The following PPP2R2B variants were observed in gnomAD, a reference collection of about 807,000 sequenced individuals.
PPP2R2B encodes the protein protein phosphatase 2 regulatory subunit Bbeta.
In PPP2R2B, 5 loss-of-function variants were observed where a neutral mutation model predicts 46.0. The ratio of observed to expected loss-of-function variants is 0.11; its 90% CI spans 0.06 to 0.23. The LOEUF is 0.23. PPP2R2B is among the 10% of genes least tolerant of loss of function. The pLI is 1.00. For missense variants in PPP2R2B, 367 were observed against 575.0 expected, an observed-to-expected ratio of 0.64 and a Z score of 3.70; for synonymous variants, 215 against 206.7, an observed-to-expected ratio of 1.04 and a Z score of -0.34.
At chr5:146,847,872 A>G (rs1337346489) in intron 2 of PPP2R2B, among the ~76,000 whole-genome samples, 1 of 152,190 alleles carries the variant, frequency 6.6e-6, no homozygotes, top group East Asian at 1.9e-4. Flanking sequence ...ACCCAGCCCC[A>G]TAGCAGGGGA....
chr5:146,615,527 A>G (rs1162644820), intron 7 of PPP2R2B, among the ~76,000 whole-genome samples: 1 of 147,556 alleles, frequency 6.8e-6, no homozygotes, highest in Non-Finnish European at 1.5e-5. Flanking sequence ...AAAAAAAAAA[A>G]AAAGAAAAAA....
chr5:146,804,976 C>T (rs1457089129), intron 2 of PPP2R2B, among the ~76,000 whole-genome samples: 1 of 152,134 alleles, frequency 6.6e-6, no homozygotes, highest in East Asian at 1.9e-4. Context: ...AGAGTTGCTT[C>T]AGCCTTCAGA....
intron 2 of PPP2R2B, among the ~76,000 whole-genome samples, chr5:146,853,846 T>C (rs1760491899): frequency 6.6e-6 from 1 of 152,012 alleles, no homozygotes; most frequent in Non-Finnish European, 1.5e-5. Context: ...TACTTTTCAT[T>C]CTTCTTCCCT....
At chr5:146,983,030 T>C in intron 1 of PPP2R2B, among the ~76,000 whole-genome samples, 1 of 152,108 alleles carries the variant, frequency 6.6e-6, no homozygotes, top group Non-Finnish European at 1.5e-5. Flanking sequence ...TAGATTCAAT[T>C]ACATTTTTAT....
chr5:147,021,506 A>G (rs1755266415), intron 1 of PPP2R2B, among the ~76,000 whole-genome samples: 1 of 152,102 alleles, frequency 6.6e-6, no homozygotes, highest in African/African-American at 2.4e-5. Context: ...AGCCTAAAAT[A>G]CTGGGGAGGT....
rs188085855 is a variant in PPP2R2B at position 146,834,012 on chromosome 5, G to A, written c.70+43990C>T. ...CCTAACGTGGCTCTAAAATGTCCTT[G>A]GCAAATGTTCTTACTGCTTCTCCAA... is the stretch of plus-strand genomic sequence containing the variant. On this transcript the variant is annotated intron_variant, in intron 2 of 9. Coordinates refer to ENST00000394411, the MANE Select transcript of PPP2R2B (RefSeq NM_181675.4). 3.3e-3 allele frequency among the ~76,000 whole-genome samples: 506 copies of A among 152,116 alleles called. 3 individuals are homozygous for A. Among genetic ancestry groups the A allele is most frequent in the Middle Eastern group, 6.8e-3 (2 of 292 alleles).
chr5:146,681,276 C>T (rs975698885), intron 5 of PPP2R2B, among the ~76,000 whole-genome samples: 11 of 152,144 alleles, frequency 7.2e-5, no homozygotes, highest in Admixed American at 5.9e-4. Flanking sequence ...TATTTTTGAT[C>T]TTCTATTAGT....
At chr5:147,034,965 G>A (rs1755965156) in intron 1 of PPP2R2B, among the ~76,000 whole-genome samples, 1 of 152,044 alleles carries the variant, frequency 6.6e-6, no homozygotes, top group Admixed American at 6.6e-5. Flanking sequence ...GAAGGAGGGA[G>A]GTGTGGGGTG....
intron 2 of PPP2R2B, among the ~76,000 whole-genome samples, chr5:146,709,365 G>A (rs1159339392): frequency 6.6e-6 from 1 of 152,112 alleles, no homozygotes; most frequent in East Asian, 1.9e-4. Flanking sequence ...AGATACTCTT[G>A]GTTGGCTACT....
chr5:146,972,937 T>A (rs1271795885), intron 1 of PPP2R2B, among the ~76,000 whole-genome samples: 3 of 152,156 alleles, frequency 2.0e-5, no homozygotes, highest in African/African-American at 7.2e-5. Flanking sequence ...AGCTTACCAT[T>A]TCTTATTTTT....
At chr5:146,853,749 G>A (rs28463964) in intron 2 of PPP2R2B, among the ~76,000 whole-genome samples, 1 of 151,812 alleles carries the variant, frequency 6.6e-6, no homozygotes, top group African/African-American at 2.4e-5. Context: ...AAATATCTAC[G>A]ATAGACTTTT....
intron 5 of PPP2R2B, among the ~76,000 whole-genome samples, chr5:146,669,492 A>G (rs1777206402): frequency 6.6e-6 from 1 of 151,864 alleles, no homozygotes; most frequent in Non-Finnish European, 1.5e-5. Flanking sequence ...TATATCCTAT[A>G]TATTTATATG....
chr5:146,873,707 G>A (rs1023543775), intron 2 of PPP2R2B, among the ~76,000 whole-genome samples: 10 of 152,244 alleles, frequency 6.6e-5, no homozygotes, highest in Admixed American at 5.2e-4. Context: ...TGCCTCCTGG[G>A]TTCATGCGAT....
At chr5:146,740,563 TA>T (rs1407235142) in intron 2 of PPP2R2B, among the ~76,000 whole-genome samples, 1 of 137,664 alleles carries the variant, frequency 7.3e-6, no homozygotes, top group Non-Finnish European at 1.5e-5. Context: ...ATTAATATTT[TA>T]AAATGAGATC....
intron 2 of PPP2R2B, among the ~76,000 whole-genome samples, chr5:146,762,401 G>A (rs1754221068): frequency 6.6e-6 from 1 of 152,118 alleles, no homozygotes; most frequent in Non-Finnish European, 1.5e-5. Context: ...GCAGTTATGA[G>A]GATTAAATGA....
At chr5:146,764,444 A>G (rs1754349040) in intron 2 of PPP2R2B, among the ~76,000 whole-genome samples, 1 of 152,178 alleles carries the variant, frequency 6.6e-6, no homozygotes, top group Non-Finnish European at 1.5e-5. Context: ...ACACAAGTCT[A>G]TTGCCTCTTC....
intron 2 of PPP2R2B, among the ~76,000 whole-genome samples, chr5:146,739,178 C>T (rs1036063112): frequency 5.9e-5 from 9 of 152,100 alleles, no homozygotes; most frequent in Non-Finnish European, 1.0e-4. Context: ...TACACCACTG[C>T]ACCCAAATAG....
At chr5:146,766,365 T>C (rs1358685083) in intron 2 of PPP2R2B, among the ~76,000 whole-genome samples, 1 of 152,196 alleles carries the variant, frequency 6.6e-6, no homozygotes, top group Non-Finnish European at 1.5e-5. Context: ...TTTCCAGAGA[T>C]ATCACTCCCT....
At chr5:146,875,638 A>G (rs1001828280) in intron 2 of PPP2R2B, among the ~76,000 whole-genome samples, 3 of 152,244 alleles carry the variant, frequency 2.0e-5, no homozygotes, top group African/African-American at 7.2e-5. Context: ...TGGAGGAAAA[A>G]AAAGAACAAT....
Sources: allele counts gnomAD v4.1 joint callset (sites outside exome capture counted in the v4.1 genomes callset), GRCh38; gene constraint gnomAD v4.1.1; transcripts MANE v1.5; gene names NCBI Gene and HGNC (gene_info 2026-07-23, HGNC 2026-07-21).